Variants in TACC1 observed in about 807,000 individuals in gnomAD.
The protein encoded by TACC1 is transforming acidic coiled-coil containing protein 1.
In TACC1, 48 loss-of-function variants were observed where a neutral mutation model predicts 84.4. That is an observed-to-expected ratio of 0.57 (90% CI 0.45 to 0.72). The LOEUF (loss-of-function observed/expected upper bound fraction) is 0.72. Among genes scored for constraint, TACC1 ranks in the 30% least tolerant of loss-of-function variants. TACC1 has a pLI of 0.00. For missense variants in TACC1, 920 were observed against 973.0 expected, an observed-to-expected ratio of 0.95 and a Z score of 0.72; for synonymous variants, 372 against 376.3, an observed-to-expected ratio of 0.99 and a Z score of 0.13.
At chr8:38,815,415 TTTTG>T (rs776439052) in intron 2 of TACC1, among the ~76,000 whole-genome samples, 27 of 152,166 alleles carry the variant, frequency 1.8e-4, no homozygotes, top group East Asian at 1.9e-4. Flanking sequence ...ATAATAGATT[TTTTG>T]TTTGTTTGTT....
At chr8:38,801,783 T>G (rs934484563) in intron 2 of TACC1, among the ~76,000 whole-genome samples, 38 of 152,258 alleles carry the variant, frequency 2.5e-4, no homozygotes, top group African/African-American at 8.9e-4. Flanking sequence ...ATATGGATTG[T>G]ATTCAATCTG....
Position 38,776,625 on chromosome 8 carries a change from T to A in TACC1, c.27-12079T>A, listed in dbSNP as rs557061908. On this transcript the variant is annotated intron_variant, in intron 3 of 14. Coordinates refer to the TACC1 transcript ENST00000518415. ...AATAATTTTGTGCATGAAACAAAGT[T>A]TTGACTGTGTTTTGACTGTGACTGG... Among the ~76,000 whole-genome samples the A allele has an allele frequency of 5.9e-5, 9 of 152,308 alleles. No individual in the cohort carries two copies. The East Asian group carries it at 1.2e-3, about 20-fold the overall frequency.
chr8:38,826,395 A>G (rs1438146074), intron 4 of TACC1, among the ~76,000 whole-genome samples: 3 of 152,242 alleles, frequency 2.0e-5, no homozygotes, highest in Admixed American at 2.0e-4. Flanking sequence ...TTAGTGCAAT[A>G]AAACATTTTG....
At chr8:38,736,994 G>A (rs1472667685) in intron 1 of TACC1, among the ~76,000 whole-genome samples, 1 of 152,160 alleles carries the variant, frequency 6.6e-6, no homozygotes, top group Non-Finnish European at 1.5e-5. Flanking sequence ...GGCCCAGCGT[G>A]GGGACATTTA....
At chr8:38,773,544 C>T (rs993310303) in intron 3 of TACC1, among the ~76,000 whole-genome samples, 2 of 138,198 alleles carry the variant, frequency 1.4e-5, no homozygotes, top group Admixed American at 1.4e-4. Flanking sequence ...TACTTATTCA[C>T]TATTTGTGTA....
chr8:38,811,868 CAG>C (rs971724878), intron 2 of TACC1, among the ~76,000 whole-genome samples: 2 of 152,174 alleles, frequency 1.3e-5, no homozygotes, highest in Non-Finnish European at 2.9e-5. Flanking sequence ...TTTCTTCTTG[CAG>C]AGAGCCTATA....
At chr8:38,741,892 T>TA (rs889087309) in intron 1 of TACC1, among the ~76,000 whole-genome samples, 22 of 151,964 alleles carry the variant, frequency 1.4e-4, no homozygotes, top group South Asian at 6.2e-4. Flanking sequence ...ATAGCCTGTT[T>TA]AAAAAAAAAT....
intron 6 of TACC1, among the ~76,000 whole-genome samples, chr8:38,835,782 T>G (rs1248020641): frequency 6.6e-6 from 1 of 152,256 alleles, no homozygotes; most frequent in East Asian, 1.9e-4. Flanking sequence ...TTTTTGTTTT[T>G]GCTTTTTTAA....
chr8:38,755,738 AACAACAACAACAACAG>A (rs1243563802), intron 3 of TACC1, among the ~76,000 whole-genome samples: 2 of 93,672 alleles, frequency 2.1e-5, no homozygotes, highest in African/African-American at 7.3e-5. Context: ...CAACAACAAC[AACAACAACAACAACAG>A]AGTGTTCCTG....
intron 3 of TACC1, among the ~76,000 whole-genome samples, chr8:38,756,618 A>AG (rs1017677398): frequency 1.8e-4 from 28 of 152,204 alleles, no homozygotes; most frequent in Admixed American, 1.3e-3. Flanking sequence ...TGGTTGTCAG[A>AG]GCCTAAAGGG....
intron 1 of TACC1, among the ~76,000 whole-genome samples, chr8:38,740,156 C>T (rs1563749569): frequency 6.6e-6 from 1 of 152,192 alleles, no homozygotes; most frequent in Non-Finnish European, 1.5e-5. Flanking sequence ...GGATTCCAAG[C>T]AGGGGTTGGC....
chr8:38,768,357 T>C (rs537489209), intron 3 of TACC1, among the ~76,000 whole-genome samples: 2 of 152,228 alleles, frequency 1.3e-5, no homozygotes, highest in African/African-American at 2.4e-5. Context: ...ACACCCTGCA[T>C]TGGATGCAGA....
chr8:38,743,040 G>T (rs1807382499), intron 2 of TACC1, among the ~76,000 whole-genome samples: 1 of 152,238 alleles, frequency 6.6e-6, no homozygotes, highest in African/African-American at 2.4e-5. Context: ...TTGTGTAAAT[G>T]AAAGAAGGTA....
intron 2 of TACC1, among the ~76,000 whole-genome samples, chr8:38,818,818 T>C (rs954210550): frequency 6.0e-5 from 9 of 150,564 alleles, no homozygotes; most frequent in African/African-American, 2.2e-4. Context: ...TGAGACAGAG[T>C]CTAGGCTGGA....
chr8:38,820,619 A>G lies in TACC1; in HGVS notation c.1375A>G (p.Lys459Glu), dbSNP rs372777414. The change falls in exon 3 of 13, where the codon AAG becomes GAG. Residue 459 changes from lysine to glutamate, a missense_variant. Lys to Glu is a moderately conservative substitution (Grantham distance 56). Coordinates refer to ENST00000317827, the MANE Select transcript of TACC1 (RefSeq NM_006283.3). ...NEILESPKKA[K>E]SRLITSGCKV... ...AATCTTAGAATCACCCAAGAAGGCA[A>G]AGTCGCGTTTAATAACGTGAGTGAC... is the stretch of plus-strand genomic sequence containing the variant. 5.2e-5 allele frequency: 84 copies of G among 1,607,132 alleles called. No individual in the cohort carries two copies. Among genetic ancestry groups the G allele is most frequent in the South Asian group, 9.9e-5 (9 of 91,078 alleles).
At chr8:38,777,850 T>A (rs764024774) in intron 3 of TACC1, among the ~76,000 whole-genome samples, 2 of 152,128 alleles carry the variant, frequency 1.3e-5, no homozygotes, top group Non-Finnish European at 2.9e-5. Context: ...TGTGCTCACA[T>A]CCCATGGGTG....
Position 38,774,864 on chromosome 8 carries a change from A to T in TACC1, c.27-13840A>T, listed in dbSNP as rs1292483379. Among the ~76,000 whole-genome samples the T allele has an allele frequency of 2.0e-5, 3 of 152,230 alleles. No individual in the cohort carries two copies. The South Asian group carries it at 6.2e-4, about 32-fold the overall frequency. On this transcript the variant is annotated intron_variant, in intron 3 of 14. Transcript: ENST00000518415. ...CCTCTCTACTAAAAATACAAAAATT[A>T]GCTGGGCATGGTGGCACATGCATGT...
chr8:38,821,229 TAGAC>T (rs1016786698), intron 3 of TACC1, among the ~76,000 whole-genome samples: 4 of 151,280 alleles, frequency 2.6e-5, no homozygotes, highest in Non-Finnish European at 5.9e-5. Flanking sequence ...TGGCATGAGA[TAGAC>T]AGGTAGAGAT....
At position 38,775,620 on chromosome 8, in the gene TACC1, C is replaced by G. The variant is rs1372592105; in HGVS notation, c.27-13084C>G. Among the ~76,000 whole-genome samples, 4 of 152,134 alleles carry G rather than the reference C, an allele frequency of 2.6e-5. No individual in the cohort carries two copies. In the East Asian group the frequency reaches 7.7e-4, roughly 29 times the overall value. On this transcript the variant is annotated intron_variant, in intron 3 of 14. Transcript: ENST00000518415. ...AAGGGCGCTGACCCCAGGAAGAACC[C>G]TCATGACCTAATCACCTCCCAAAGG...
Sources: allele counts gnomAD v4.1 joint callset (sites outside exome capture counted in the v4.1 genomes callset), GRCh38; gene constraint gnomAD v4.1.1; transcripts MANE v1.5; gene names NCBI Gene and HGNC (gene_info 2026-07-23, HGNC 2026-07-21).